ANK2: variants seen among roughly 807,000 people sequenced by gnomAD.
ANK2 encodes ankyrin 2, also known as ankyrin-2.
Under a neutral mutation model 360.5 loss-of-function variants are expected in ANK2, and 83 were observed. The observed-to-expected ratio is 0.23, with a 90% CI of 0.19 to 0.28. The LOEUF (loss-of-function observed/expected upper bound fraction) is 0.28. Ranked by LOEUF, ANK2 falls within the 10% of genes least tolerant of loss-of-function variation. The pLI, the probability that ANK2 is intolerant of heterozygous loss-of-function variation, is 1.00. For synonymous variants in ANK2, 1,740 were observed against 1,759.5 expected (o/e 0.99, Z 0.28); for missense variants, 4,201 against 4,795.7 (o/e 0.88, Z 3.66).
At chr4:113,246,792 C>G (rs1267103071) in intron 9 of ANK2, among the ~76,000 whole-genome samples, 4 of 152,104 alleles carry the variant, frequency 2.6e-5, no homozygotes, top group Non-Finnish European at 5.9e-5. Flanking sequence ...AGGCACCCTG[C>G]TAAGTACTCT....
intron 4 of ANK2, among the ~76,000 whole-genome samples, chr4:113,211,725 C>G (rs1396426277): frequency 6.6e-6 from 1 of 152,096 alleles, no homozygotes; most frequent in Non-Finnish European, 1.5e-5. Flanking sequence ...TTGAAATTCA[C>G]AGGGTCAAGT....
intron 23 of ANK2, among the ~76,000 whole-genome samples, chr4:113,308,591 G>A (rs577281535): frequency 6.6e-6 from 1 of 152,330 alleles, no homozygotes; most frequent in Non-Finnish European, 1.5e-5. Context: ...GGAGAGATTT[G>A]TGTCAGAGAA....
At chr4:112,994,020 C>A (rs2047723362) in intron 2 of ANK2, among the ~76,000 whole-genome samples, 1 of 152,122 alleles carries the variant, frequency 6.6e-6, no homozygotes, top group South Asian at 2.1e-4. Flanking sequence ...CAACTGCATT[C>A]TTTGGAGTGT....
chr4:113,336,896 G>C, intron 31 of ANK2, 115 bp downstream of exon 31: 2 of 985,044 alleles, frequency 2.0e-6, no homozygotes, highest in Non-Finnish European at 3.2e-6. Flanking sequence ...CATTAATTCA[G>C]GGAATACATT....
chr4:113,380,719 A>C (rs2097143158), intron 45 of ANK2, among the ~76,000 whole-genome samples: 1 of 152,244 alleles, frequency 6.6e-6, no homozygotes. Context: ...AAGGGAGGCA[A>C]GTAAACAACA....
intron 2 of ANK2, among the ~76,000 whole-genome samples, chr4:113,191,358 G>A (rs2098660702): frequency 5.3e-5 from 8 of 151,884 alleles, no homozygotes; most frequent in Admixed American, 5.3e-4. Context: ...AAAATTAAAT[G>A]AATAAATAAA....
At chr4:112,746,538 G>C in the ANK2 span, among the ~76,000 whole-genome samples, 2 of 150,190 alleles carry the variant, frequency 1.3e-5, no homozygotes, top group African/African-American at 4.9e-5. Flanking sequence ...AAAAGAAAAT[G>C]CCTTTTTGAA....
At chr4:113,232,332 A>G in intron 5 of ANK2, 73 bp downstream of exon 5, 2 of 1,133,834 alleles carry the variant, frequency 1.8e-6, no homozygotes, top group Non-Finnish European at 2.7e-6. Context: ...GGCTGCAAAT[A>G]GTCTCCATTA....
At chr4:112,786,620 C>T in the ANK2 span, among the ~76,000 whole-genome samples, 4 of 151,920 alleles carry the variant, frequency 2.6e-5, no homozygotes, top group Non-Finnish European at 5.9e-5. Flanking sequence ...TGGTCTGAAT[C>T]TCCTGACCTC....
chr4:113,291,639 A>G (rs1020424568), intron 20 of ANK2, among the ~76,000 whole-genome samples: 1 of 152,216 alleles, frequency 6.6e-6, no homozygotes, highest in Non-Finnish European at 1.5e-5. Flanking sequence ...TTAAAAGCTT[A>G]GAGTATGAAA....
At chr4:112,767,606 A>G in the ANK2 span, among the ~76,000 whole-genome samples, 1 of 152,040 alleles carries the variant, frequency 6.6e-6, no homozygotes, top group Non-Finnish European at 1.5e-5. Context: ...ATAATAAAAC[A>G]TGGTGCAGAC....
At chr4:113,174,332 C>T (rs1015124630) in intron 1 of ANK2, 84 bp from the exon 2 acceptor site, 3 of 1,142,442 alleles carry the variant, frequency 2.6e-6, no homozygotes, top group South Asian at 1.3e-5. Context: ...TTTCTGACTT[C>T]AGTGTAAACA....
the ANK2 span, chr4:112,739,021 G>T: frequency 1.6e-6 from 1 of 613,848 alleles, no homozygotes; most frequent in South Asian, 1.4e-5. Flanking sequence ...ACCAAGAACC[G>T]CAAAGCCATC....
chr4:113,339,353 A>G lies in ANK2; in HGVS notation c.3893+31A>G, dbSNP rs191369805. On this transcript the variant is annotated intron_variant, in intron 32 of 45. Transcript: ENST00000357077. ...GTTATATAGCACAGAAAAGCCCACT[A>G]TGATATGTTACCCTCCAAAAAAACT... is the stretch of plus-strand genomic sequence containing the variant. 1.9e-5 allele frequency: 30 copies of G among 1,564,530 alleles called. No homozygotes were observed. In the East Asian group the frequency reaches 4.0e-4, roughly 21 times the overall value.
intron 1 of ANK2, among the ~76,000 whole-genome samples, chr4:113,084,745 A>C (rs1447035174): frequency 6.6e-6 from 1 of 152,258 alleles, no homozygotes; most frequent in Non-Finnish European, 1.5e-5. Context: ...TACGTGCAAC[A>C]CATTACCTTG....
intron 2 of ANK2, among the ~76,000 whole-genome samples, chr4:113,188,692 A>T (rs1430954234): frequency 3.3e-5 from 5 of 152,176 alleles, no homozygotes; most frequent in African/African-American, 1.2e-4. Flanking sequence ...AAAATTTAAA[A>T]ATTGTCATAG....
chr4:112,978,288 T>C lies in ANK2; in HGVS notation c.21+73774T>C, dbSNP rs117933548. Among the ~76,000 whole-genome samples, 309 of 152,264 alleles carry C rather than the reference T, an allele frequency of 2.0e-3. 3 individuals are homozygous for C. Among genetic ancestry groups the C allele is most frequent in the East Asian group, 0.014 (73 of 5,184 alleles). On this transcript the variant is annotated intron_variant, in intron 2 of 30. Transcript: ENST00000503271. Reference sequence around the variant, plus strand: ...GTTTTCTGTTAGTTTCATCTAAAAATTTCTCTTCCTAGGAATTCTCAATAT... The same window carrying C: ...GTTTTCTGTTAGTTTCATCTAAAAACTTCTCTTCCTAGGAATTCTCAATAT...
rs868048153 is a variant in ANK2, at chr4:112,895,797, A to G, written c.-39-8658A>G. ...AGAGTTTATTTTCCTGAGTATTTATAAATTCCAAAATCAAAATCAGAACAA... is the reference window on the plus strand; with the variant it reads ...AGAGTTTATTTTCCTGAGTATTTATGAATTCCAAAATCAAAATCAGAACAA... On this transcript the variant is annotated intron_variant, in intron 1 of 30. Coordinates refer to the ANK2 transcript ENST00000503271. 3.9e-5 allele frequency among the ~76,000 whole-genome samples: 6 copies of G among 152,246 alleles called. No homozygotes were observed. The South Asian group carries it at 8.3e-4, about 21-fold the overall frequency.
At chr4:112,765,211 C>T in the ANK2 span, among the ~76,000 whole-genome samples, 1 of 152,172 alleles carries the variant, frequency 6.6e-6, no homozygotes, top group African/African-American at 2.4e-5. Flanking sequence ...TTCTTAATAT[C>T]ATCTAAGATC....
Sources: allele counts gnomAD v4.1 joint callset (sites outside exome capture counted in the v4.1 genomes callset), GRCh38; gene constraint gnomAD v4.1.1; transcripts MANE v1.5; gene names NCBI Gene and HGNC (gene_info 2026-07-23, HGNC 2026-07-21).